The following KCNQ5 variants were observed in gnomAD, a reference collection of about 807,000 sequenced individuals.
KCNQ5 encodes potassium voltage-gated channel subfamily KQT member 5.
Under a neutral mutation model 98.2 loss-of-function variants are expected in KCNQ5, and 30 were observed. That is an observed-to-expected ratio of 0.31 (90% confidence interval 0.23 to 0.41). The LOEUF (loss-of-function observed/expected upper bound fraction) is 0.41, where lower values mean the gene tolerates loss of function less well. KCNQ5 is among the 10% of genes least tolerant of loss of function. KCNQ5 has a pLI of 1.00. For missense variants in KCNQ5, 835 were observed against 1,182.5 expected, an observed-to-expected ratio of 0.71 and a Z score of 4.31; for synonymous variants, 458 against 449.4, an observed-to-expected ratio of 1.02 and a Z score of -0.24.
At chr6:72,741,904 G>A (rs567303774) in intron 1 of KCNQ5, among the ~76,000 whole-genome samples, 4 of 152,146 alleles carry the variant, frequency 2.6e-5, no homozygotes, top group Admixed American at 1.3e-4. Flanking sequence ...TAACTCCATT[G>A]TCCCCTAAGT....
chr6:72,782,365 C>A (rs1773527269), intron 1 of KCNQ5, among the ~76,000 whole-genome samples: 1 of 152,120 alleles, frequency 6.6e-6, no homozygotes, highest in African/African-American at 2.4e-5. Context: ...ATACCGTGGT[C>A]CCACACAGCG....
chr6:72,882,229 G>A (rs77784272), intron 1 of KCNQ5, among the ~76,000 whole-genome samples: 1 of 152,096 alleles, frequency 6.6e-6, no homozygotes, highest in South Asian at 2.1e-4. Context: ...CCACTTCAAA[G>A]GCCAAAATAT....
At chr6:73,042,317 T>A in intron 3 of KCNQ5, 1 of 486,876 alleles carries the variant, frequency 2.1e-6, no homozygotes, top group Non-Finnish European at 3.7e-6. Flanking sequence ...TTGCTGAATG[T>A]CATACAGCTA....
intron 5 of KCNQ5, among the ~76,000 whole-genome samples, chr6:73,082,567 C>T (rs898773911): frequency 6.6e-6 from 1 of 152,206 alleles, no homozygotes; most frequent in Non-Finnish European, 1.5e-5. Context: ...ATCCATCTCT[C>T]TATTCTCCTG....
At chr6:72,737,589 A>G (rs560641848) in intron 1 of KCNQ5, among the ~76,000 whole-genome samples, 28 of 152,244 alleles carry the variant, frequency 1.8e-4, no homozygotes, top group African/African-American at 6.7e-4. Context: ...ATTTTGGCTC[A>G]TTAGTAGGGC....
chr6:73,023,149 T>C (rs1160772125), intron 2 of KCNQ5, among the ~76,000 whole-genome samples: 1 of 152,006 alleles, frequency 6.6e-6, no homozygotes, highest in Non-Finnish European at 1.5e-5. Context: ...GCAGAAAAGA[T>C]GGAGAAGAAA....
chr6:72,784,928 C>G (rs992657796), intron 1 of KCNQ5, among the ~76,000 whole-genome samples: 4 of 152,072 alleles, frequency 2.6e-5, no homozygotes, highest in African/African-American at 9.7e-5. Flanking sequence ...GAGTCAAGCC[C>G]AAATTATCAC....
rs143753417 is a variant in KCNQ5, at chr6:73,043,187, A to G, written c.616+1125A>G. ...CCATCCATGGGCACTGTTAAGAAGA[A>G]TCCTTTATTCCATACTTCTTTCATA... On this transcript the variant is annotated intron_variant, in intron 3 of 13. Coordinates refer to ENST00000370398, the MANE Select transcript of KCNQ5 (RefSeq NM_019842.4). 1.4e-3 allele frequency: 572 copies of G among 422,790 alleles called. 2 individuals are homozygous for G. The highest frequency in any genetic ancestry group is 2.1e-3 in the Non-Finnish European group (418 of 200,160). The allele number at this position is 422,790 out of a possible 1,614,324, so 26.2% of individuals were successfully genotyped here.
At chr6:72,964,049 C>T (rs986191186) in intron 1 of KCNQ5, among the ~76,000 whole-genome samples, 2 of 152,088 alleles carry the variant, frequency 1.3e-5, no homozygotes, top group Non-Finnish European at 2.9e-5. Flanking sequence ...TCACAATTTT[C>T]TTTTGCTTGA....
intron 2 of KCNQ5, among the ~76,000 whole-genome samples, chr6:73,023,479 G>GA (rs1031597802): frequency 7.9e-5 from 12 of 151,758 alleles, no homozygotes; most frequent in African/African-American, 1.5e-4. Context: ...GGTGGAGAGT[G>GA]AAAAAAAATG....
At chr6:73,133,052 T>C (rs1482455324) in intron 9 of KCNQ5, among the ~76,000 whole-genome samples, 2 of 152,206 alleles carry the variant, frequency 1.3e-5, no homozygotes, top group Non-Finnish European at 1.5e-5. Flanking sequence ...AAACAAAAAA[T>C]AATTTTTTAA....
At chr6:72,917,676 T>A (rs996200227) in intron 1 of KCNQ5, among the ~76,000 whole-genome samples, 4 of 152,062 alleles carry the variant, frequency 2.6e-5, no homozygotes, top group African/African-American at 9.7e-5. Context: ...TTTCACCATG[T>A]TGGCCAGGAT....
chr6:72,711,482 G>C, intron 1 of KCNQ5, among the ~76,000 whole-genome samples: 1 of 152,190 alleles, frequency 6.6e-6, no homozygotes, highest in East Asian at 1.9e-4. Context: ...AAAGAAAGCC[G>C]AAGCTAGAGA....
intron 2 of KCNQ5, among the ~76,000 whole-genome samples, chr6:73,031,478 G>C (rs533319710): frequency 2.0e-5 from 3 of 152,278 alleles, no homozygotes; most frequent in Middle Eastern, 3.4e-3. Context: ...TAATAAAACA[G>C]TATGCTAATT....
chr6:72,870,012 A>C (rs1308039528), intron 1 of KCNQ5, among the ~76,000 whole-genome samples: 1 of 152,182 alleles, frequency 6.6e-6, no homozygotes, highest in African/African-American at 2.4e-5. Flanking sequence ...ACACCACTAA[A>C]ATGGCCCTGT....
chr6:72,960,659 C>T (rs973729956), intron 1 of KCNQ5, among the ~76,000 whole-genome samples: 9 of 152,210 alleles, frequency 5.9e-5, no homozygotes, highest in Admixed American at 2.6e-4. Context: ...AAGTCCTGAC[C>T]TTGTGATCTG....
intron 1 of KCNQ5, among the ~76,000 whole-genome samples, chr6:72,704,464 G>T (rs1768975316): frequency 6.6e-6 from 1 of 151,880 alleles, no homozygotes; most frequent in Admixed American, 6.6e-5. Flanking sequence ...GCATGCAGAG[G>T]TACTCAGTAA....
At chr6:72,692,494 T>C (rs1158653696) in intron 1 of KCNQ5, among the ~76,000 whole-genome samples, 1 of 152,238 alleles carries the variant, frequency 6.6e-6, no homozygotes, top group Non-Finnish European at 1.5e-5. Context: ...AATTTGTTGG[T>C]TAAGGAAGAT....
rs1230039812 is a variant in KCNQ5, at chr6:73,062,498, G to A, written c.617-14824G>A. On this transcript the variant is annotated intron_variant, in intron 3 of 13. Coordinates refer to ENST00000370398, the MANE Select transcript of KCNQ5 (RefSeq NM_019842.4). Reference sequence around the variant, plus strand: ...TGCAAGCTAGTAAACAGTCACATGAGAAGCGTCATCCCCCCGGCCCCCATC... The same window carrying A: ...TGCAAGCTAGTAAACAGTCACATGAAAAGCGTCATCCCCCCGGCCCCCATC... 2.6e-5 allele frequency among the ~76,000 whole-genome samples: 4 copies of A among 152,034 alleles called. No individual in the cohort carries two copies. In the East Asian group the frequency reaches 7.7e-4, roughly 29 times the overall value.
Sources: gnomAD v4.1 joint callset for allele counts (sites outside exome capture counted in the v4.1 genomes callset) on GRCh38, gnomAD v4.1.1 for gene constraint, MANE v1.5 for transcripts, NCBI Gene and HGNC (gene_info 2026-07-23, HGNC 2026-07-21) for gene names.